PDE4B: variants seen among roughly 807,000 people sequenced by gnomAD.
PDE4B encodes 3',5'-cyclic-AMP phosphodiesterase 4B.
A neutral mutation model predicts 82.2 loss-of-function variants in PDE4B; 20 were observed. That is an observed-to-expected ratio of 0.24 (90% CI 0.17 to 0.35). The LOEUF is 0.35. PDE4B is among the 10% of genes least tolerant of loss of function. The pLI, the probability that PDE4B is intolerant of heterozygous loss-of-function variation, is 1.00. For missense variants in PDE4B, 655 were observed against 907.2 expected (o/e 0.72, Z 3.57); for synonymous variants, 320 against 318.9 (o/e 1.00, Z -0.04).
At chr1:65,808,756 T>C (rs994125932) in intron 1 of PDE4B, among the ~76,000 whole-genome samples, 2 of 152,164 alleles carry the variant, frequency 1.3e-5, no homozygotes, top group Admixed American at 6.5e-5. Context: ...TGAATGTGGG[T>C]AGTACAAAAG....
chr1:66,092,669 C>T (rs1645047286), intron 3 of PDE4B, among the ~76,000 whole-genome samples: 1 of 152,040 alleles, frequency 6.6e-6, no homozygotes, highest in Admixed American at 6.6e-5. Context: ...AAAGAAACCT[C>T]TTCTGATCTG....
At chr1:65,924,354 G>T (rs902509015) in intron 3 of PDE4B, among the ~76,000 whole-genome samples, 6 of 151,500 alleles carry the variant, frequency 4.0e-5, no homozygotes, top group African/African-American at 1.5e-4. Flanking sequence ...GATTACAGGC[G>T]TGAGCCACCG....
At chr1:66,277,349 T>C (rs1655955234) in intron 7 of PDE4B, among the ~76,000 whole-genome samples, 1 of 152,204 alleles carries the variant, frequency 6.6e-6, no homozygotes, top group Non-Finnish European at 1.5e-5. Context: ...CAGATTGACG[T>C]GATCTGATAT....
At chr1:66,090,707 ATATG>A in intron 3 of PDE4B, among the ~76,000 whole-genome samples, 1 of 140,428 alleles carries the variant, frequency 7.1e-6, no homozygotes, top group Admixed American at 7.3e-5. Context: ...GTATATGTAT[ATATG>A]TGTGTGTATA....
At chr1:65,813,397 G>A (rs1315183971) in intron 1 of PDE4B, among the ~76,000 whole-genome samples, 1 of 152,134 alleles carries the variant, frequency 6.6e-6, no homozygotes, top group African/African-American at 2.4e-5. Flanking sequence ...TGGGGGAAAT[G>A]GCATGTTGAG....
chr1:66,180,934 C>A (rs1647050742), intron 3 of PDE4B, among the ~76,000 whole-genome samples: 1 of 152,118 alleles, frequency 6.6e-6, no homozygotes, highest in African/African-American at 2.4e-5. Flanking sequence ...TAATAGCTGT[C>A]CCATTTAGAG....
intron 16 of PDE4B, among the ~76,000 whole-genome samples, chr1:66,369,850 T>TA (rs1486266780): frequency 4.6e-5 from 7 of 152,082 alleles, no homozygotes; most frequent in African/African-American, 1.7e-4. Flanking sequence ...TAAATGAGTT[T>TA]AAAAAATCTG....
In PDE4B at chr1:65,843,298, A is replaced by G. The variant is rs114095067; in HGVS notation, c.-71+50050A>G. The stretch of plus-strand genomic sequence containing the variant: ...CCTAGGAAGGCCCCTAGAGAAGAGA[A>G]TTACAAAGATTCATTTGCTGGCTTC... On this transcript the variant is annotated intron_variant, in intron 1 of 16. Coordinates refer to ENST00000341517, the MANE Select transcript of PDE4B (RefSeq NM_002600.4). 3.6e-3 allele frequency among the ~76,000 whole-genome samples: 544 copies of G among 152,238 alleles called. 3 individuals carry two copies. Among genetic ancestry groups the G allele is most frequent in the African/African-American group, 0.012 (519 of 41,536 alleles).
At chr1:66,242,357 A>G (rs1296569969) in intron 3 of PDE4B, among the ~76,000 whole-genome samples, 5 of 152,218 alleles carry the variant, frequency 3.3e-5, no homozygotes, top group African/African-American at 1.2e-4. Flanking sequence ...GAAAAGCAAA[A>G]TTGAGACAGC....
intron 3 of PDE4B, among the ~76,000 whole-genome samples, chr1:65,929,472 A>G (rs1647707956): frequency 6.6e-6 from 1 of 152,288 alleles, no homozygotes. Context: ...GAGGCTGTGC[A>G]TGCACCTTCT....
intron 3 of PDE4B, among the ~76,000 whole-genome samples, chr1:66,146,442 C>T (rs1298578049): frequency 6.6e-6 from 1 of 152,016 alleles, no homozygotes; most frequent in Non-Finnish European, 1.5e-5. Flanking sequence ...TCTCGGCCTC[C>T]CAAAGTGCTG....
intron 3 of PDE4B, among the ~76,000 whole-genome samples, chr1:66,018,685 AAGT>A (rs1264907566): frequency 6.6e-6 from 1 of 152,222 alleles, no homozygotes; most frequent in Non-Finnish European, 1.5e-5. Context: ...ATTTGGAAAC[AAGT>A]AGCATTATCA....
At chr1:66,178,600 A>G (rs747587577) in intron 3 of PDE4B, among the ~76,000 whole-genome samples, 28 of 152,158 alleles carry the variant, frequency 1.8e-4, no homozygotes, top group Admixed American at 6.5e-4. Context: ...TTATTTCCCA[A>G]TTTATCCAGA....
chr1:66,102,141 G>A (rs1432796840), intron 3 of PDE4B, among the ~76,000 whole-genome samples: 2 of 152,188 alleles, frequency 1.3e-5, no homozygotes, highest in African/African-American at 4.8e-5. Context: ...CCAGTTGTTT[G>A]TAGATGTGTG....
intron 7 of PDE4B, among the ~76,000 whole-genome samples, chr1:66,321,970 C>A (rs1369879144): frequency 1.3e-5 from 2 of 152,096 alleles, no homozygotes; most frequent in African/African-American, 4.8e-5. Flanking sequence ...GGTACCAGAA[C>A]GCAGATATAG....
At chr1:66,370,473 C>G (rs1386782883) in intron 16 of PDE4B, among the ~76,000 whole-genome samples, 4 of 152,156 alleles carry the variant, frequency 2.6e-5, no homozygotes, top group African/African-American at 4.8e-5. Context: ...TCCTCTTGGT[C>G]CACTACAGCA....
chr1:65,876,198 T>G (rs1240683203), intron 1 of PDE4B, among the ~76,000 whole-genome samples: 2 of 152,080 alleles, frequency 1.3e-5, no homozygotes, highest in Non-Finnish European at 2.9e-5. Flanking sequence ...TCAAATTATT[T>G]TATATTTTCT....
chr1:65,844,090 CAT>C lies in PDE4B; in HGVS notation c.-71+50843_-71+50844del, dbSNP rs539029817. ...ATTTACCTCAAACATTTCTTATCCA[CAT>C]GTCTTCAATATATAATCATAATATT... On this transcript the variant is annotated intron_variant, in intron 1 of 16. Coordinates refer to ENST00000341517, the MANE Select transcript of PDE4B (RefSeq NM_002600.4). Among the ~76,000 whole-genome samples, 59 of 152,238 alleles carry C rather than the reference CAT, an allele frequency of 3.9e-4. 1 individual carries two copies. The East Asian group carries it at 0.011, about 29-fold the overall frequency.
chr1:66,152,019 A>G (rs1341791070), intron 3 of PDE4B, among the ~76,000 whole-genome samples: 1 of 152,234 alleles, frequency 6.6e-6, no homozygotes. Context: ...TGAACTCTTC[A>G]GTAAAAAGAC....
Sources: allele counts gnomAD v4.1 joint callset (sites outside exome capture counted in the v4.1 genomes callset), GRCh38; gene constraint gnomAD v4.1.1; transcripts MANE v1.5; gene names NCBI Gene and HGNC (gene_info 2026-07-23, HGNC 2026-07-21).